The following SEMA4G variants were observed in gnomAD, a reference collection of about 807,000 sequenced individuals.
SEMA4G encodes the protein semaphorin 4G.
Under a neutral mutation model 81.2 loss-of-function variants are expected in SEMA4G, and 59 were observed. The observed-to-expected ratio is 0.73, with a 90% CI of 0.59 to 0.90. The LOEUF is 0.90. Among genes scored for constraint, SEMA4G ranks in the 40% least tolerant of loss-of-function variants. SEMA4G has a pLI of 0.00. For synonymous variants in SEMA4G, 404 were observed against 433.9 expected (o/e 0.93, Z 0.86); for missense variants, 952 against 1,102.3 (o/e 0.86, Z 1.93).
chr10:100,970,485 C>G (rs964065385), upstream of SEMA4G, among the ~76,000 whole-genome samples: 1 of 152,018 alleles, frequency 6.6e-6, no homozygotes, highest in Non-Finnish European at 1.5e-5. Context: ...CCTTGTAGAG[C>G]GGCCTTGACT....
In SEMA4G at chr10:100,983,293, C is replaced by T. The variant is rs763789894; in HGVS notation, c.1691-12C>T. 1.1e-4 allele frequency: 162 copies of T among 1,515,598 alleles called. No homozygotes were observed. Among genetic ancestry groups the T allele is most frequent in the Non-Finnish European group, 1.4e-4 (154 of 1,127,846 alleles). 93.9% of individuals were successfully genotyped at this position (1,515,598 alleles called of 1,614,324 possible). A position where few individuals can be genotyped will look rare whatever the true frequency, so the allele number is the denominator to read the frequency against. ...GACGGGCTGGTACTGACCTCTCCCC[C>T]AAACCCCACAGGGCCACCACCACCA... is the stretch of plus-strand genomic sequence containing the variant. On this transcript the variant is annotated splice_polypyrimidine_tract_variant and intron_variant, in intron 13 of 13. Transcript: ENST00000370250.
exon 14 of SEMA4G, chr10:100,983,783 T>G (rs1851263236): frequency 6.2e-7 from 1 of 1,608,156 alleles, no homozygotes; most frequent in Non-Finnish European, 8.5e-7. Flanking sequence ...CAGGAGGATC[T>G]GCGGTGCAAC....
At chr10:100,981,644 C>T in intron 13 of SEMA4G, 1 of 1,395,974 alleles carries the variant, frequency 7.2e-7, no homozygotes, top group Non-Finnish European at 1.0e-6. Context: ...ATGTCATCTA[C>T]TGTCACAGCA....
intron 3 of SEMA4G, among the ~76,000 whole-genome samples, chr10:100,974,504 T>C (rs1850723756): frequency 6.6e-6 from 1 of 152,138 alleles, no homozygotes; most frequent in African/African-American, 2.4e-5. Flanking sequence ...CCTCTACAGA[T>C]GCTTACTTAC....
chr10:100,974,969 A>T, intron 3 of SEMA4G: 1 of 521,008 alleles, frequency 1.9e-6, no homozygotes, highest in Non-Finnish European at 3.9e-6. Context: ...TTAAAAAAAA[A>T]TTCCCAAGAT....
Position 100,980,257 on chromosome 10 carries a change from A to T in SEMA4G, c.1264A>T (p.Lys422Ter), listed in dbSNP as rs776709167. The T allele has an allele frequency of 1.2e-6, 2 of 1,614,198 alleles. No individual in the cohort carries two copies. The highest frequency in any genetic ancestry group is 1.7e-6 in the Non-Finnish European group (2 of 1,180,020). Residue 422 changes from lysine to a stop codon, truncating the protein, a stop_gained, in exon 10 of 14, where the codon AAG becomes TAG. Coordinates refer to ENST00000370250, the Ensembl canonical transcript of SEMA4G. LOFTEE classifies it high-confidence loss of function. ...CACACGTGGACGGCCCCTGCTGCTC[A>T]AGCGCAACATACGCTACACACACCT...
chr10:100,970,381 A>G (rs907006831), upstream of SEMA4G, among the ~76,000 whole-genome samples: 8 of 151,924 alleles, frequency 5.3e-5, no homozygotes, highest in Non-Finnish European at 1.2e-4. Flanking sequence ...ACCGCAATAT[A>G]CATAGGGGTG....
In SEMA4G at chr10:100,984,122, CTCTG is replaced by C. The variant is rs1851296377; in HGVS notation, c.2513_2516del (p.Val838GlufsTer66). The stretch of plus-strand genomic sequence containing the variant: ...AGCTCGTGGAGCAGCTAGATGAGAG[CTCTG>C]TCTGAGCCCAGCCTCCCAGAACAAA... On this transcript the variant is annotated frameshift_variant, in exon 14 of 14. Coordinates refer to ENST00000370250, the Ensembl canonical transcript of SEMA4G. LOFTEE classifies it high-confidence loss of function. The C allele has an allele frequency of 2.5e-6, 4 of 1,608,916 alleles. No homozygotes were observed. The highest frequency in any genetic ancestry group is 1.1e-5 in the South Asian group (1 of 90,390).
At chr10:100,982,980 C>A (rs935956371) in intron 13 of SEMA4G, among the ~76,000 whole-genome samples, 13 of 152,152 alleles carry the variant, frequency 8.5e-5, no homozygotes, top group African/African-American at 2.9e-4. Flanking sequence ...AGATGCCCAG[C>A]ACATGGTAGA....
chr10:100,972,776 T>A lies in SEMA4G; in HGVS notation c.-137T>A. On this transcript the variant is annotated 5_prime_UTR_variant, in exon 1 of 14. The change abolishes an upstream ATG in the 5' untranslated region. Coordinates refer to ENST00000370250, the Ensembl canonical transcript of SEMA4G. ...TGGCCCCATGATTCCTTGACTCCTA[T>A]GACCTTATGACCCCTGACCTTCCAA... 1 of 846,128 alleles carries A rather than the reference T, an allele frequency of 1.2e-6. No homozygotes were observed. Among genetic ancestry groups the A allele is most frequent in the Non-Finnish European group, 1.8e-6 (1 of 547,260 alleles). 52.4% of individuals were successfully genotyped at this position (846,128 alleles called of 1,614,324 possible). A position where few individuals can be genotyped will look rare whatever the true frequency, so the allele number is the denominator to read the frequency against.
intron 3 of SEMA4G, among the ~76,000 whole-genome samples, chr10:100,974,348 C>T (rs910522558): frequency 2.0e-5 from 3 of 151,846 alleles, no homozygotes; most frequent in Non-Finnish European, 4.4e-5. Flanking sequence ...ACCTGTAGTC[C>T]CAGCTACTTG....
upstream of SEMA4G, chr10:100,972,515 C>T (rs1009039461): frequency 2.2e-5 from 4 of 180,900 alleles, no homozygotes; most frequent in Admixed American, 5.9e-5. Context: ...TTTTTTTCCC[C>T]GTTTTTTCTT....
At position 100,972,956 on chromosome 10, in the gene SEMA4G, C is replaced by A. The variant is rs1363910803; in HGVS notation, c.44C>A (p.Ala15Glu). The A allele has an allele frequency of 3.1e-6, 5 of 1,613,364 alleles. No homozygotes were observed. The South Asian group carries it at 4.4e-5, about 14-fold the overall frequency. Residue 15 changes from alanine (A) to glutamate (E), a missense_variant, in exon 1 of 14, where the codon GCA becomes GAA. Coordinates refer to ENST00000370250, the Ensembl canonical transcript of SEMA4G. Reference sequence around the variant, plus strand: ...CCCCTCCTCCTCAGCATCCTCACAGCAACTGCAGTCCCAGGACCCTCACTG... The same window carrying A: ...CCCCTCCTCCTCAGCATCCTCACAGAAACTGCAGTCCCAGGACCCTCACTG...
At chr10:100,983,047 A>G (rs1406618718) in intron 13 of SEMA4G, among the ~76,000 whole-genome samples, 1 of 152,266 alleles carries the variant, frequency 6.6e-6, no homozygotes, top group Non-Finnish European at 1.5e-5. Flanking sequence ...AGTTACTGGC[A>G]GATGGCAGAA....
exon 10 of SEMA4G, chr10:100,980,291 C>T: frequency 1.2e-6 from 2 of 1,614,248 alleles, no homozygotes. Context: ...CTTACAGGGA[C>T]ACCTGTCACC....
chr10:100,983,755 T>C, exon 14 of SEMA4G: 1 of 1,612,230 alleles, frequency 6.2e-7, no homozygotes, highest in Admixed American at 1.7e-5. Flanking sequence ...AAATACTCAC[T>C]GGGTCGGGCC....
chr10:100,980,303 C>T lies in SEMA4G; in HGVS notation c.1310C>T (p.Thr437Met), dbSNP rs147741050. 1,434 of 1,614,242 alleles carry T rather than the reference C, an allele frequency of 8.9e-4. 3 individuals carry two copies. The highest frequency in any genetic ancestry group is 1.1e-3 in the Non-Finnish European group (1,333 of 1,180,036). The stretch of plus-strand genomic sequence containing the variant: ...CACCTTACAGGGACACCTGTCACCA[C>T]GCCTGCTGGACCTACCTATGACCTG... Residue 437 changes from threonine (T) to methionine (M), a missense_variant, in exon 10 of 14, where the codon ACG becomes ATG. By Grantham distance (81) the Thr-to-Met change is moderately conservative (BLOSUM62 -1). This residue lies in a region of SEMA4G where 131 missense variants were observed against 200.7 expected (regional missense o/e 0.65). Transcript: ENST00000370250.
rs369506663 is a variant in SEMA4G at position 100,979,043 on chromosome 10, C to T, written c.813+25C>T. 4.2e-5 allele frequency: 67 copies of T among 1,613,234 alleles called. No individual in the cohort carries two copies. In the Middle Eastern group the frequency reaches 4.9e-4, roughly 12 times the overall value. On this transcript the variant is annotated intron_variant, in intron 7 of 13. Transcript: ENST00000370250. ...GGTGGATTGGGCTGACGTTGGGGCA[C>T]GGGTATAGAGGCTGGACCTCTGACC...
rs149776999 is a variant in SEMA4G at position 100,973,564 on chromosome 10, C to G, written c.291C>G (p.Ser97=). The G allele has an allele frequency of 1.4e-4, 226 of 1,614,112 alleles. No homozygotes were observed. In the African/African-American group the frequency reaches 2.8e-3, roughly 20 times the overall value. Residue 97 remains serine, a synonymous_variant, in exon 3 of 14, where the codon TCC becomes TCG. Transcript: ENST00000370250. This position sits in a 1 kb window ranked among gnomAD's most constrained non-coding sequence, Gnocchi z 5.5. ...TCCACTAGATCCACTGGGAAGCCTC[C>G]CCAGAGATGCAAAGCAAATGTCATC... is the stretch of plus-strand genomic sequence containing the variant.
Sources: gnomAD v4.1 joint callset for allele counts (sites outside exome capture counted in the v4.1 genomes callset) on GRCh38, gnomAD v4.1.1 for gene constraint, gnomAD v4.1.1 regional missense constraint, Gnocchi (gnomAD v3.1) non-coding constraint, MANE v1.5 for transcripts, NCBI Gene and HGNC (gene_info 2026-07-23, HGNC 2026-07-21) for gene names.